Variants in TTC7A observed in about 807,000 individuals in gnomAD.
The protein encoded by TTC7A is tetratricopeptide repeat domain 7A.
In TTC7A, 110 loss-of-function variants were observed where a neutral mutation model predicts 103.7. That is an observed-to-expected ratio of 1.06 (90% CI 0.91 to 1.24). The LOEUF (loss-of-function observed/expected upper bound fraction) is 1.24. Ranked by LOEUF, TTC7A falls within the 50% of genes most tolerant of loss-of-function variation. The pLI, the probability that TTC7A is intolerant of heterozygous loss-of-function variation, is 0.00. For missense variants in TTC7A, 1,340 were observed against 1,116.3 expected (o/e 1.20, Z -2.86); for synonymous variants, 521 against 467.9 (o/e 1.11, Z -1.47).
intron 18 of TTC7A, 141 bp from the exon 19 acceptor site, chr2:47,060,628 C>T (rs1212097166): frequency 1.4e-6 from 1 of 702,616 alleles, no homozygotes; most frequent in East Asian, 2.7e-5. Flanking sequence ...ATCCTATAGT[C>T]AGTGTGTCCC....
At chr2:46,999,468 C>T (rs1367969875) in intron 8 of TTC7A, 2 of 985,124 alleles carry the variant, frequency 2.0e-6, no homozygotes, top group Admixed American at 6.2e-5. Flanking sequence ...CACCATGTAT[C>T]CATCTAATCT....
chr2:47,033,726 T>TC (rs1680807678), intron 15 of TTC7A, among the ~76,000 whole-genome samples: 1 of 152,110 alleles, frequency 6.6e-6, no homozygotes, highest in South Asian at 2.1e-4. Context: ...GGGCACACAG[T>TC]CGATGGACAG....
At chr2:47,062,454 A>G (rs1362252221) in intron 19 of TTC7A, among the ~76,000 whole-genome samples, 1 of 152,158 alleles carries the variant, frequency 6.6e-6, no homozygotes, top group African/African-American at 2.4e-5. Context: ...AGCTCAGCAA[A>G]TGTTTGCTTT....
At chr2:46,944,375 T>TG (rs1558492909) in intron 1 of TTC7A, among the ~76,000 whole-genome samples, 1 of 12,876 alleles carries the variant, frequency 7.8e-5, no homozygotes, top group African/African-American at 3.1e-4. Context: ...GTATTTTGGG[T>TG]TTTTTTTTTT....
chr2:46,991,117 T>C (rs543410722), intron 5 of TTC7A, among the ~76,000 whole-genome samples: 92 of 152,018 alleles, frequency 6.1e-4, no homozygotes, highest in Non-Finnish European at 8.7e-4. Flanking sequence ...GATTTTACCA[T>C]GTTGGCCAGG....
chr2:46,981,362 G>T (rs543266597), intron 5 of TTC7A, among the ~76,000 whole-genome samples: 1 of 152,104 alleles, frequency 6.6e-6, no homozygotes, highest in East Asian at 1.9e-4. Flanking sequence ...AAAGTTGCTC[G>T]ATGTGGGGGT....
chr2:47,030,379 C>G (rs1680403302), intron 15 of TTC7A, among the ~76,000 whole-genome samples: 2 of 152,182 alleles, frequency 1.3e-5, no homozygotes, highest in African/African-American at 4.8e-5. Flanking sequence ...CATCCCCAGC[C>G]CATCAGAGGC....
intron 2 of TTC7A, among the ~76,000 whole-genome samples, chr2:46,935,182 C>A (rs918459141): frequency 1.3e-5 from 2 of 152,104 alleles, no homozygotes; most frequent in Non-Finnish European, 2.9e-5. Flanking sequence ...GAAGGCTTGT[C>A]CCTGCTGGAA....
chr2:47,014,694 T>C (rs1263619064), intron 11 of TTC7A, among the ~76,000 whole-genome samples: 1 of 152,232 alleles, frequency 6.6e-6, no homozygotes, highest in Non-Finnish European at 1.5e-5. Context: ...TTCGCAGTTA[T>C]TCTGGCTCAC....
intron 8 of TTC7A, among the ~76,000 whole-genome samples, chr2:47,002,614 G>A (rs957495461): frequency 2.0e-5 from 3 of 152,058 alleles, no homozygotes; most frequent in African/African-American, 4.8e-5. Context: ...TGCTGGGAAG[G>A]AACTGATGCT....
intron 11 of TTC7A, among the ~76,000 whole-genome samples, chr2:47,013,446 G>T (rs1396708128): frequency 6.6e-6 from 1 of 152,156 alleles, no homozygotes; most frequent in African/African-American, 2.4e-5. Context: ...GCCGCTGCTT[G>T]CTCCTAGGGC....
intron 15 of TTC7A, among the ~76,000 whole-genome samples, chr2:47,037,908 C>G (rs1373145954): frequency 6.6e-6 from 1 of 152,136 alleles, no homozygotes; most frequent in Non-Finnish European, 1.5e-5. Flanking sequence ...TGTCCTGCAG[C>G]AATCCTCAGG....
intron 15 of TTC7A, among the ~76,000 whole-genome samples, chr2:47,030,137 C>A (rs1473038445): frequency 6.6e-6 from 1 of 152,212 alleles, no homozygotes; most frequent in East Asian, 1.9e-4. Flanking sequence ...CCCTAAGTAA[C>A]CCACTTCCCC....
chr2:46,975,040 A>G lies in TTC7A; in HGVS notation c.585A>G (p.Glu195=). 1 of 1,601,448 alleles carries G rather than the reference A, an allele frequency of 6.2e-7. No individual in the cohort carries two copies. The highest frequency in any genetic ancestry group is 1.1e-5 in the South Asian group (1 of 90,894). Residue 195 remains glutamate, a synonymous_variant, in exon 4 of 20, where the codon GAA becomes GAG. Coordinates refer to ENST00000319190, the MANE Select transcript of TTC7A (RefSeq NM_020458.4). ...SRFRLTEREE[E]VITCFERASW... ...TCCGCCTGACAGAGAGGGAGGAGGA[A>G]GTGATCACCTGTTTTGAGAGGGCCT...
chr2:46,941,131 G>A (rs909995421), upstream of TTC7A: 85 of 148,000 alleles, frequency 5.7e-4, no homozygotes, highest in African/African-American at 1.9e-3. This position sits in a 1 kb window ranked among gnomAD's most constrained non-coding sequence, Gnocchi z 4.2. Context: ...CAGCGAGCCC[G>A]GCTCGCCGAG....
At chr2:47,034,265 C>G (rs914998356) in intron 15 of TTC7A, 2 of 152,228 alleles carry the variant, frequency 1.3e-5, no homozygotes, top group Non-Finnish European at 2.9e-5. Context: ...GCCAAGAGGC[C>G]AGGCCTGCAG....
chr2:46,977,338 A>G (rs1343011492), intron 4 of TTC7A, among the ~76,000 whole-genome samples: 2 of 152,136 alleles, frequency 1.3e-5, no homozygotes, highest in Non-Finnish European at 2.9e-5. Flanking sequence ...AGGAACTAAG[A>G]CCTTCTCTTA....
intron 15 of TTC7A, among the ~76,000 whole-genome samples, chr2:47,044,027 T>C (rs1002150791): frequency 3.5e-4 from 49 of 140,632 alleles, no homozygotes; most frequent in African/African-American, 1.2e-3. Context: ...CCCAGGGAGC[T>C]GTCCCCAGGG....
intron 16 of TTC7A, among the ~76,000 whole-genome samples, chr2:47,048,654 G>C (rs1351744005): frequency 6.6e-6 from 1 of 152,120 alleles, no homozygotes; most frequent in Non-Finnish European, 1.5e-5. Context: ...CCAGGCTGGA[G>C]TTCAGTGGCA....
Sources: allele counts gnomAD v4.1 joint callset (sites outside exome capture counted in the v4.1 genomes callset), GRCh38; gene constraint gnomAD v4.1.1; non-coding constraint Gnocchi (gnomAD v3.1); transcripts MANE v1.5; gene names NCBI Gene and HGNC (gene_info 2026-07-23, HGNC 2026-07-21).